The following TENM2 variants were observed in gnomAD, a reference collection of about 807,000 sequenced individuals.
TENM2 encodes the protein teneurin-2.
In TENM2, 52 loss-of-function variants were observed where a neutral mutation model predicts 245.2. The observed-to-expected ratio is 0.21, with a 90% CI of 0.17 to 0.27. TENM2 has a LOEUF of 0.27. Among genes scored for constraint, TENM2 ranks in the 10% least tolerant of loss-of-function variants. TENM2 has a pLI of 1.00. For synonymous variants in TENM2, 1,363 were observed against 1,438.9 expected, an observed-to-expected ratio of 0.95 and a Z score of 1.19; for missense variants, 3,046 against 3,666.8, an observed-to-expected ratio of 0.83 and a Z score of 4.37.
intron 2 of TENM2, among the ~76,000 whole-genome samples, chr5:167,377,816 C>T (rs1429242702): frequency 6.6e-6 from 1 of 152,152 alleles, no homozygotes; most frequent in African/African-American, 2.4e-5. Flanking sequence ...TGGTTCCACA[C>T]CACGGCATGG....
the TENM2 span, among the ~76,000 whole-genome samples, chr5:167,190,975 A>G: frequency 6.6e-6 from 1 of 152,150 alleles, no homozygotes; most frequent in South Asian, 2.1e-4. Flanking sequence ...TCGTTGTGTA[A>G]CTGGTAAATA....
chr5:167,956,915 A>T (rs1258627624), intron 4 of TENM2, among the ~76,000 whole-genome samples: 4 of 152,082 alleles, frequency 2.6e-5, no homozygotes, highest in Non-Finnish European at 2.9e-5. Flanking sequence ...TTCAGCAGGG[A>T]TATTGGCCTG....
intron 13 of TENM2, among the ~76,000 whole-genome samples, chr5:168,165,661 C>CCCCCCA (rs1562237804): frequency 1.0e-5 from 1 of 96,264 alleles, no homozygotes; most frequent in Non-Finnish European, 2.3e-5. Context: ...CCCCCCCCCC[C>CCCCCCA]CCCGGCTGGC....
upstream of TENM2, among the ~76,000 whole-genome samples, chr5:167,282,897 G>GGT (rs1771137591): frequency 6.6e-6 from 1 of 152,106 alleles, no homozygotes; most frequent in Admixed American, 6.6e-5. Flanking sequence ...CCTCTAAGCA[G>GGT]GTCCTGGGGT....
At chr5:167,636,694 G>A (rs111519496) in intron 2 of TENM2, among the ~76,000 whole-genome samples, 2 of 152,190 alleles carry the variant, frequency 1.3e-5, no homozygotes, top group African/African-American at 4.8e-5. Flanking sequence ...ATGCATAACA[G>A]TTGTGATTGC....
intron 4 of TENM2, among the ~76,000 whole-genome samples, chr5:167,973,497 G>A (rs1378107834): frequency 6.6e-6 from 1 of 152,188 alleles, no homozygotes; most frequent in Non-Finnish European, 1.5e-5. Context: ...AGTCTAGTGG[G>A]AGAAAGGTCA....
chr5:168,179,507 T>C (rs1307317813), intron 13 of TENM2, among the ~76,000 whole-genome samples: 1 of 152,226 alleles, frequency 6.6e-6, no homozygotes, highest in Non-Finnish European at 1.5e-5. Flanking sequence ...TAAATCACCC[T>C]GTACTAGGTA....
chr5:167,295,618 C>T (rs1401126417), intron 1 of TENM2, among the ~76,000 whole-genome samples: 1 of 152,184 alleles, frequency 6.6e-6, no homozygotes, highest in African/African-American at 2.4e-5. Context: ...GGAGACATTA[C>T]ATTTTCAATG....
chr5:168,236,159 A>G (rs943053369), intron 25 of TENM2, among the ~76,000 whole-genome samples: 15 of 152,176 alleles, frequency 9.9e-5, no homozygotes, highest in African/African-American at 3.6e-4. Context: ...TCTGCAGATT[A>G]TCCACCCGGT....
At chr5:167,087,658 C>T in the TENM2 span, among the ~76,000 whole-genome samples, 1 of 152,166 alleles carries the variant, frequency 6.6e-6, no homozygotes, top group African/African-American at 2.4e-5. Flanking sequence ...AGCTTAGAAT[C>T]TCTGACCTAA....
At chr5:167,669,852 C>T (rs1755819056) in intron 2 of TENM2, among the ~76,000 whole-genome samples, 1 of 136,970 alleles carries the variant, frequency 7.3e-6, no homozygotes, top group Admixed American at 7.6e-5. Flanking sequence ...CTATTGCTGC[C>T]ACTTTTGAGG....
chr5:168,048,460 G>A (rs1295081016), intron 6 of TENM2, among the ~76,000 whole-genome samples: 1 of 152,202 alleles, frequency 6.6e-6, no homozygotes. Flanking sequence ...GGGAAAGGAA[G>A]CAGCATTTAT....
the TENM2 span, among the ~76,000 whole-genome samples, chr5:167,112,196 A>C: frequency 6.6e-6 from 1 of 152,198 alleles, no homozygotes; most frequent in Admixed American, 6.5e-5. Flanking sequence ...CAATGTACCC[A>C]AAAAATCATT....
At chr5:167,475,676 G>A (rs6555749) in intron 2 of TENM2, among the ~76,000 whole-genome samples, 7,000 of 151,828 alleles carry the variant, frequency 0.046, 310 homozygotes, top group African/African-American at 0.12. Context: ...TGGCCCCAGT[G>A]TGTGATGTTC....
At chr5:167,862,330 T>C (rs1309829023) in intron 2 of TENM2, among the ~76,000 whole-genome samples, 1 of 152,082 alleles carries the variant, frequency 6.6e-6, no homozygotes, top group Non-Finnish European at 1.5e-5. Flanking sequence ...GGAGCCGAAC[T>C]AAAACATCTT....
At chr5:167,568,708 G>C (rs998744487) in intron 2 of TENM2, among the ~76,000 whole-genome samples, 3 of 149,984 alleles carry the variant, frequency 2.0e-5, no homozygotes, top group Non-Finnish European at 3.0e-5. Context: ...TCAAATAAAA[G>C]CATTTATTCA....
chr5:167,041,803 C>G, the TENM2 span, among the ~76,000 whole-genome samples: 1 of 152,298 alleles, frequency 6.6e-6, no homozygotes, highest in Non-Finnish European at 1.5e-5. Flanking sequence ...AACCTCCCCC[C>G]TCCAAAAGGG....
intron 1 of TENM2, among the ~76,000 whole-genome samples, chr5:167,369,964 C>A (rs1425942640): frequency 3.3e-5 from 5 of 152,128 alleles, no homozygotes; most frequent in Non-Finnish European, 5.9e-5. Flanking sequence ...AATGCAAAGA[C>A]ATATCTCTCC....
chr5:168,202,632 C>A (rs1762025716), intron 17 of TENM2, among the ~76,000 whole-genome samples: 1 of 151,764 alleles, frequency 6.6e-6, no homozygotes, highest in African/African-American at 2.4e-5. Context: ...CAGGCACTAG[C>A]AATTCTCTTT....
Sources: gnomAD v4.1 joint callset for allele counts (sites outside exome capture counted in the v4.1 genomes callset) on GRCh38, gnomAD v4.1.1 for gene constraint, MANE v1.5 for transcripts, NCBI Gene and HGNC (gene_info 2026-07-23, HGNC 2026-07-21) for gene names.